POT1: variants seen among roughly 807,000 people sequenced by gnomAD.
POT1 encodes protection of telomeres 1, also known as protection of telomeres protein 1.
In POT1, 47 loss-of-function variants were observed where a neutral mutation model predicts 78.5. That is an observed-to-expected ratio of 0.60 (90% confidence interval 0.47 to 0.76). The LOEUF is 0.76. Ranked by LOEUF, POT1 falls within the 30% of genes least tolerant of loss-of-function variation. The pLI is 0.00. For synonymous variants in POT1, 259 were observed against 260.7 expected, an observed-to-expected ratio of 0.99 and a Z score of 0.06; for missense variants, 646 against 749.9, an observed-to-expected ratio of 0.86 and a Z score of 1.62.
At chr7:124,921,479 GAAAT>G (rs985033312) in intron 2 of POT1, among the ~76,000 whole-genome samples, 1 of 151,316 alleles carries the variant, frequency 6.6e-6, no homozygotes, top group African/African-American at 2.4e-5. Context: ...AAAATAAATA[GAAAT>G]AAAACTTAAA....
chr7:124,911,792 G>A (rs903878540), intron 3 of POT1, among the ~76,000 whole-genome samples: 1 of 152,102 alleles, frequency 6.6e-6, no homozygotes, highest in Non-Finnish European at 1.5e-5. Context: ...AAAAGCAGAT[G>A]TTCTAACAGC....
At chr7:124,910,855 C>A (rs1796874388) in intron 3 of POT1, among the ~76,000 whole-genome samples, 1 of 151,904 alleles carries the variant, frequency 6.6e-6, no homozygotes, top group African/African-American at 2.4e-5. Flanking sequence ...ATCAGACACA[C>A]CCTAAGAGTC....
chr7:124,865,970 T>C (rs1178325889), intron 7 of POT1, among the ~76,000 whole-genome samples: 2 of 152,184 alleles, frequency 1.3e-5, no homozygotes, highest in Non-Finnish European at 2.9e-5. Flanking sequence ...TGTTTTCATG[T>C]AGAATATATC....
At chr7:124,904,916 C>T (rs984063977) in intron 3 of POT1, among the ~76,000 whole-genome samples, 5 of 152,122 alleles carry the variant, frequency 3.3e-5, no homozygotes, top group African/African-American at 1.2e-4. Flanking sequence ...GAATAAAATA[C>T]TTAGGAATCC....
chr7:124,834,744 G>C (rs1794849309), intron 15 of POT1, among the ~76,000 whole-genome samples: 1 of 152,148 alleles, frequency 6.6e-6, no homozygotes, highest in Non-Finnish European at 1.5e-5. Flanking sequence ...CCATTACTGG[G>C]TATATACCCA....
chr7:124,856,868 T>C (rs1355215549), intron 9 of POT1, among the ~76,000 whole-genome samples: 1 of 152,208 alleles, frequency 6.6e-6, no homozygotes, highest in East Asian at 1.9e-4. Context: ...AGATAATATC[T>C]TTCAGGGAAA....
intron 6 of POT1, among the ~76,000 whole-genome samples, chr7:124,876,105 C>T (rs1016646643): frequency 8.6e-5 from 13 of 151,958 alleles, no homozygotes; most frequent in Admixed American, 2.6e-4. Flanking sequence ...ATTTTTGAGT[C>T]GACAAAGTTT....
chr7:124,916,695 C>T (rs1272022490), intron 2 of POT1, among the ~76,000 whole-genome samples: 2 of 152,030 alleles, frequency 1.3e-5, no homozygotes, highest in East Asian at 3.9e-4. Flanking sequence ...AGGTAAATGA[C>T]AAATGTTCCC....
At chr7:124,905,675 A>G (rs1200248346) in intron 3 of POT1, among the ~76,000 whole-genome samples, 1 of 152,246 alleles carries the variant, frequency 6.6e-6, no homozygotes, top group East Asian at 1.9e-4. Flanking sequence ...ACAGCAAAAG[A>G]AACTACCATC....
At chr7:124,864,085 G>A (rs975212827) in intron 7 of POT1, among the ~76,000 whole-genome samples, 1 of 152,132 alleles carries the variant, frequency 6.6e-6, no homozygotes, top group East Asian at 1.9e-4. Context: ...TTTAATCAGA[G>A]TGACTGAGAG....
intron 12 of POT1, among the ~76,000 whole-genome samples, chr7:124,844,273 C>G (rs1472738018): frequency 1.3e-5 from 2 of 151,370 alleles, no homozygotes; most frequent in Non-Finnish European, 2.9e-5. Context: ...GGATTACAGG[C>G]ATGCACCACC....
intron 12 of POT1, among the ~76,000 whole-genome samples, chr7:124,846,183 A>ACACACACACC (rs71520316): frequency 3.5e-4 from 53 of 151,330 alleles, no homozygotes; most frequent in Non-Finnish European, 5.0e-4. Flanking sequence ...ACACACACAC[A>ACACACACACC]CCCCTATAAT....
chr7:124,826,387 A>G (rs1178190213), intron 17 of POT1, among the ~76,000 whole-genome samples: 4 of 152,200 alleles, frequency 2.6e-5, no homozygotes, highest in East Asian at 1.9e-4. Context: ...AACTGTCAGT[A>G]TAACAGTTTT....
chr7:124,900,400 T>C lies in POT1; in HGVS notation c.-153-2026A>G, dbSNP rs188703527. 1.1e-4 allele frequency among the ~76,000 whole-genome samples: 17 copies of C among 152,272 alleles called. No homozygotes were observed. In the East Asian group the frequency reaches 3.3e-3, roughly 29 times the overall value. ...CAGATTCTCTCTCAGAAACAAGTAA[T>C]TCTACCTTCCTCTAAACTCTCCTAT... On this transcript the variant is annotated intron_variant, in intron 3 of 18. Coordinates refer to ENST00000357628, the MANE Select transcript of POT1 (RefSeq NM_015450.3).
At chr7:124,867,804 C>T (rs1228123086) in intron 7 of POT1, among the ~76,000 whole-genome samples, 3 of 151,902 alleles carry the variant, frequency 2.0e-5, no homozygotes, top group Admixed American at 6.6e-5. Flanking sequence ...CCCACCACCA[C>T]ACCTAGCTAA....
intron 3 of POT1, among the ~76,000 whole-genome samples, chr7:124,911,407 T>C (rs1352726417): frequency 6.6e-6 from 1 of 152,154 alleles, no homozygotes; most frequent in African/African-American, 2.4e-5. Context: ...GAGACTTCTT[T>C]GTAGTATATT....
chr7:124,891,880 TA>T (rs1796379850), intron 6 of POT1, among the ~76,000 whole-genome samples: 1 of 151,744 alleles, frequency 6.6e-6, no homozygotes, highest in South Asian at 2.1e-4. Context: ...CATATTTCTA[TA>T]GTTATAGCTT....
Position 124,822,561 on chromosome 7 carries a change from G to GA in POT1, c.*1400dup, listed in dbSNP as rs1794530828. Reference sequence around the variant, plus strand: ...CTAGATTGAGGGCTTCCTGAAGGCAGAAAAAATGTTTATTTCACCTTTGTA... The same window carrying GA: ...CTAGATTGAGGGCTTCCTGAAGGCAGAAAAAAATGTTTATTTCACCTTTGTA... On this transcript the variant is annotated 3_prime_UTR_variant, in exon 19 of 19. Coordinates refer to ENST00000357628, the MANE Select transcript of POT1 (RefSeq NM_015450.3). 6.6e-6 allele frequency: 3 copies of GA among 455,604 alleles called. No individual in the cohort carries two copies. The highest frequency in any genetic ancestry group is 3.1e-5 in the South Asian group (2 of 64,438). The allele number at this position is 455,604 out of a possible 1,614,324, so 28.2% of individuals were successfully genotyped here. A position where few individuals can be genotyped will look rare whatever the true frequency, so the allele number is the denominator to read the frequency against.
intron 6 of POT1, among the ~76,000 whole-genome samples, chr7:124,886,048 C>G (rs943655662): frequency 6.6e-6 from 1 of 151,976 alleles, no homozygotes; most frequent in African/African-American, 2.4e-5. Flanking sequence ...AGGATTTCTA[C>G]CAGAAATAAG....
Sources: gnomAD v4.1 joint callset for allele counts (sites outside exome capture counted in the v4.1 genomes callset) on GRCh38, gnomAD v4.1.1 for gene constraint, MANE v1.5 for transcripts, NCBI Gene and HGNC (gene_info 2026-07-23, HGNC 2026-07-21) for gene names.